The following ST8SIA6 variants were observed in gnomAD, a reference collection of about 807,000 sequenced individuals.
The protein encoded by ST8SIA6 is ST8 alpha-N-acetyl-neuraminide alpha-2,8-sialyltransferase 6.
Under a neutral mutation model 33.6 loss-of-function variants are expected in ST8SIA6, and 39 were observed. The observed-to-expected ratio is 1.16, with a 90% CI of 0.90 to 1.52. The LOEUF is 1.52. Ranked by LOEUF, ST8SIA6 falls within the 40% of genes most tolerant of loss-of-function variation. The probability of loss-of-function intolerance (pLI) is 0.00; values close to 1 mark genes in which losing one functional copy is unlikely to be tolerated. For synonymous variants in ST8SIA6, 172 were observed against 167.2 expected, an observed-to-expected ratio of 1.03 and a Z score of -0.22; for missense variants, 441 against 443.8, an observed-to-expected ratio of 0.99 and a Z score of 0.06.
intron 6 of ST8SIA6, among the ~76,000 whole-genome samples, chr10:17,324,127 G>C (rs1405021773): frequency 1.3e-5 from 2 of 152,044 alleles, no homozygotes; most frequent in Non-Finnish European, 2.9e-5. Context: ...TCACAAAAAA[G>C]GAAAAATTGG....
intron 2 of ST8SIA6, chr10:17,409,874 A>C (rs1483511133): frequency 1.3e-5 from 2 of 152,430 alleles, no homozygotes; most frequent in Non-Finnish European, 2.9e-5. Flanking sequence ...AAACTCCATC[A>C]CAAACAAACA....
chr10:17,367,507 C>T (rs1471873849), intron 3 of ST8SIA6, among the ~76,000 whole-genome samples: 1 of 152,100 alleles, frequency 6.6e-6, no homozygotes, highest in Non-Finnish European at 1.5e-5. Flanking sequence ...AACCATATCA[C>T]TTCTTCTTCA....
At chr10:17,435,672 C>T (rs78354897) in intron 2 of ST8SIA6, among the ~76,000 whole-genome samples, 1,331 of 126,548 alleles carry the variant, frequency 0.011, 9 homozygotes, top group Middle Eastern at 0.032. Flanking sequence ...AAACAAACAG[C>T]ATTTCAGCCC....
intron 4 of ST8SIA6, among the ~76,000 whole-genome samples, chr10:17,345,738 C>A (rs553238151): frequency 2.3e-4 from 35 of 152,184 alleles, no homozygotes; most frequent in Non-Finnish European, 4.3e-4. Flanking sequence ...ATTGAAGGGT[C>A]TTATTTATGG....
intron 4 of ST8SIA6, among the ~76,000 whole-genome samples, chr10:17,348,139 A>C (rs1848908395): frequency 6.6e-6 from 1 of 151,898 alleles, no homozygotes; most frequent in African/African-American, 2.4e-5. Flanking sequence ...AAGAAAATGT[A>C]AAGAAACCAA....
intron 2 of ST8SIA6, among the ~76,000 whole-genome samples, chr10:17,419,359 TTGTC>T (rs1191779086): frequency 1.3e-5 from 2 of 151,976 alleles, no homozygotes; most frequent in South Asian, 2.1e-4. Context: ...TGGTGAGACT[TTGTC>T]TGTACAAAAA....
Position 17,390,626 on chromosome 10 carries a change from T to G in ST8SIA6, c.201-6A>C, listed in dbSNP as rs371876195. ...ACTTCTCATTCAGATATGTGCTGTT[T>G]CATGAAAGAGATTTTTAAAAAGATT... On this transcript the variant is annotated splice_region_variant and splice_polypyrimidine_tract_variant and intron_variant, in intron 2 of 7. Coordinates refer to ENST00000377602, the MANE Select transcript of ST8SIA6 (RefSeq NM_001004470.3). 84 of 1,601,730 alleles carry G rather than the reference T, an allele frequency of 5.2e-5. No individual in the cohort carries two copies. The highest frequency in any genetic ancestry group is 1.7e-4 in the Middle Eastern group (1 of 6,036).
chr10:17,371,020 A>C (rs906282824), intron 3 of ST8SIA6, among the ~76,000 whole-genome samples: 1 of 152,224 alleles, frequency 6.6e-6, no homozygotes, highest in Non-Finnish European at 1.5e-5. Flanking sequence ...AAACCAAAGT[A>C]GGATTGGTGG....
rs1321834263 is a variant in ST8SIA6, at chr10:17,392,784, A to AC, written c.201-2165_201-2164insG. Among the ~76,000 whole-genome samples, 24 of 152,162 alleles carry AC rather than the reference A, an allele frequency of 1.6e-4. 1 individual carries two copies. The highest frequency in any genetic ancestry group is 2.9e-5 in the Non-Finnish European group (2 of 68,032). ...CGTCAAGCTCTCAGTTGCTTTACAAAACAAAGGTTTGTTTCTTGCCGATGA... is the reference window on the plus strand; with the variant it reads ...CGTCAAGCTCTCAGTTGCTTTACAAACACAAAGGTTTGTTTCTTGCCGATGA... On this transcript the variant is annotated intron_variant, in intron 2 of 7. Coordinates refer to ENST00000377602, the MANE Select transcript of ST8SIA6 (RefSeq NM_001004470.3).
chr10:17,350,812 T>C (rs1017038080), intron 4 of ST8SIA6, among the ~76,000 whole-genome samples: 3 of 152,168 alleles, frequency 2.0e-5, no homozygotes, highest in African/African-American at 7.2e-5. Flanking sequence ...GATACGGCCA[T>C]TGATAGTTAT....
intron 4 of ST8SIA6, among the ~76,000 whole-genome samples, chr10:17,332,429 A>T (rs1016848595): frequency 3.3e-5 from 5 of 152,166 alleles, no homozygotes; most frequent in African/African-American, 1.2e-4. Context: ...AAGCATTCCT[A>T]TTTCTCCACA....
chr10:17,448,782 ATTTTTTTTTT>A (rs753562099), intron 2 of ST8SIA6, among the ~76,000 whole-genome samples: 2 of 123,554 alleles, frequency 1.6e-5, no homozygotes, highest in African/African-American at 6.0e-5. Context: ...CGCCAGGCTA[ATTTTTTTTTT>A]TTTTTTTTTT....
At chr10:17,421,259 G>A (rs1389376998) in intron 2 of ST8SIA6, among the ~76,000 whole-genome samples, 2 of 152,194 alleles carry the variant, frequency 1.3e-5, no homozygotes, top group Non-Finnish European at 2.9e-5. Context: ...GTCCTCTGTT[G>A]CAACTGCATT....
chr10:17,442,509 A>T lies in ST8SIA6; in HGVS notation c.200+11050T>A, dbSNP rs1199229042. On this transcript the variant is annotated intron_variant, in intron 2 of 7. Transcript: ENST00000377602. ...AAAATCATTATTTTTCTAAAGTTAC[A>T]TTTCTATACAAAGTTTCCATTGATC... Among the ~76,000 whole-genome samples the T allele has an allele frequency of 3.3e-5, 5 of 152,196 alleles. No individual in the cohort carries two copies. In the East Asian group the frequency reaches 9.6e-4, roughly 29 times the overall value.
chr10:17,358,911 A>G (rs1039700593), intron 4 of ST8SIA6, among the ~76,000 whole-genome samples: 6 of 152,214 alleles, frequency 3.9e-5, no homozygotes, highest in Non-Finnish European at 8.8e-5. Flanking sequence ...GAACTATCAG[A>G]TAAGTACTGA....
chr10:17,369,681 T>G (rs1459769848), intron 3 of ST8SIA6, among the ~76,000 whole-genome samples: 1 of 130,044 alleles, frequency 7.7e-6, no homozygotes, highest in Non-Finnish European at 1.7e-5. Context: ...TATTGTTGAC[T>G]TGTTTCTCTC....
intron 2 of ST8SIA6, among the ~76,000 whole-genome samples, chr10:17,412,524 C>A (rs531989449): frequency 2.0e-5 from 3 of 152,172 alleles, no homozygotes; most frequent in Non-Finnish European, 1.5e-5. Context: ...AATTAACCTG[C>A]GTGAGCTCCA....
intron 4 of ST8SIA6, among the ~76,000 whole-genome samples, chr10:17,334,406 GC>G (rs968219405): frequency 3.3e-5 from 5 of 151,864 alleles, no homozygotes; most frequent in African/African-American, 1.2e-4. Context: ...GGGCACGGTG[GC>G]AGGCACCTGT....
chr10:17,451,342 C>A (rs929600286), intron 2 of ST8SIA6, among the ~76,000 whole-genome samples: 1 of 152,118 alleles, frequency 6.6e-6, no homozygotes, highest in African/African-American at 2.4e-5. Flanking sequence ...ACCACATGTT[C>A]TCATAAATAG....
Sources: allele counts gnomAD v4.1 joint callset (sites outside exome capture counted in the v4.1 genomes callset), GRCh38; gene constraint gnomAD v4.1.1; transcripts MANE v1.5; gene names NCBI Gene and HGNC (gene_info 2026-07-23, HGNC 2026-07-21).